PCDH15: variants seen among roughly 807,000 people sequenced by gnomAD.
PCDH15 encodes the protein protocadherin related 15, also known as protocadherin-15.
PCDH15 carries 129 observed loss-of-function variants against 178.5 expected under a neutral mutation model. The ratio of observed to expected loss-of-function variants is 0.72; its 90% confidence interval spans 0.63 to 0.84. PCDH15 has a LOEUF of 0.84. PCDH15 is among the 40% of genes least tolerant of loss of function. PCDH15 has a pLI of 0.00. For synonymous variants in PCDH15, 800 were observed against 732.0 expected, an observed-to-expected ratio of 1.09 and a Z score of -1.50; for missense variants, 2,230 against 2,099.9, an observed-to-expected ratio of 1.06 and a Z score of -1.21.
At chr10:54,107,674 T>C (rs1051997267) in intron 15 of PCDH15, among the ~76,000 whole-genome samples, 1 of 151,868 alleles carries the variant, frequency 6.6e-6, no homozygotes, top group Admixed American at 6.6e-5. Context: ...ACAGCAGCAG[T>C]GTAATTTGGG....
chr10:54,200,011 GA>G (rs1290534757), intron 10 of PCDH15, among the ~76,000 whole-genome samples: 2 of 151,990 alleles, frequency 1.3e-5, no homozygotes, highest in Admixed American at 1.3e-4. Flanking sequence ...CTTCAATATT[GA>G]AAAAAGGAAA....
rs573045571 is a variant in PCDH15 at position 55,422,188 on chromosome 10, T to C, written c.-156+205437A>G. On this transcript the variant is annotated intron_variant, in intron 2 of 5. Coordinates refer to the PCDH15 transcript ENST00000613346. ...TGTTTCTACAGATTTGCCTATTTTC[T>C]GGACGTTTTCAGATTATAGCCTATA... Among the ~76,000 whole-genome samples, 19 of 151,878 alleles carry C rather than the reference T, an allele frequency of 1.3e-4. 1 individual carries two copies. In the South Asian group the frequency reaches 3.5e-3, roughly 28 times the overall value.
chr10:54,782,493 AC>A (rs1247196317), intron 1 of PCDH15, among the ~76,000 whole-genome samples: 1 of 152,132 alleles, frequency 6.6e-6, no homozygotes, highest in Non-Finnish European at 1.5e-5. Context: ...AAAAGTACTA[AC>A]CTACCAAATC....
chr10:54,218,891 T>G lies in PCDH15; in HGVS notation c.986-4843A>C, dbSNP rs2052404122. Among the ~76,000 whole-genome samples the G allele has an allele frequency of 2.0e-5, 3 of 152,066 alleles. No individual in the cohort carries two copies. In the South Asian group the frequency reaches 6.2e-4, roughly 32 times the overall value. On this transcript the variant is annotated intron_variant, in intron 9 of 37. Transcript: ENST00000644397. ...GAGAAACTCTATAATATAAACAACT[T>G]GACTTCTCAATAAATGAATCACAAG...
At chr10:53,996,286 G>A (rs553103563) in intron 20 of PCDH15, among the ~76,000 whole-genome samples, 1 of 152,020 alleles carries the variant, frequency 6.6e-6, no homozygotes, top group Non-Finnish European at 1.5e-5. Context: ...GATTTTCTCT[G>A]CAGCGCACTA....
At chr10:53,890,567 G>A (rs978527429) in intron 26 of PCDH15, among the ~76,000 whole-genome samples, 5 of 152,234 alleles carry the variant, frequency 3.3e-5, no homozygotes, top group Admixed American at 3.3e-4. Context: ...GTTTCTAAGA[G>A]ACCATAAATG....
intron 1 of PCDH15, among the ~76,000 whole-genome samples, chr10:55,235,611 A>C (rs963163402): frequency 3.9e-5 from 6 of 152,056 alleles, no homozygotes; most frequent in Admixed American, 1.3e-4. Flanking sequence ...CATAAGGAAC[A>C]ATAAGAATCT....
intron 2 of PCDH15, among the ~76,000 whole-genome samples, chr10:54,547,349 T>C (rs1271316407): frequency 1.3e-5 from 2 of 152,176 alleles, no homozygotes; most frequent in Admixed American, 1.3e-4. Context: ...AAATGTCAAA[T>C]ATATCAGACA....
chr10:54,171,829 T>C (rs377130349), intron 13 of PCDH15, among the ~76,000 whole-genome samples: 2 of 151,956 alleles, frequency 1.3e-5, no homozygotes, highest in Non-Finnish European at 2.9e-5. Flanking sequence ...TCATTCTATA[T>C]GACAAATGTT....
chr10:54,938,683 A>C (rs1046562523), intron 2 of PCDH15, among the ~76,000 whole-genome samples: 1 of 152,192 alleles, frequency 6.6e-6, no homozygotes, highest in African/African-American at 2.4e-5. Context: ...TTGATATGTT[A>C]ATTTATATGG....
chr10:54,968,388 A>G (rs1198385781), intron 2 of PCDH15, among the ~76,000 whole-genome samples: 2 of 151,762 alleles, frequency 1.3e-5, no homozygotes. Context: ...TTGTCTTGGT[A>G]TTCACCTTCA....
At chr10:54,430,805 A>G (rs961835005) in intron 3 of PCDH15, among the ~76,000 whole-genome samples, 3 of 152,086 alleles carry the variant, frequency 2.0e-5, no homozygotes, top group African/African-American at 7.2e-5. Flanking sequence ...AAACAATACA[A>G]AAGAATAATG....
At chr10:54,314,990 A>T (rs2133585690) in intron 8 of PCDH15, among the ~76,000 whole-genome samples, 1 of 152,314 alleles carries the variant, frequency 6.6e-6, no homozygotes, top group Middle Eastern at 3.4e-3. Flanking sequence ...TAGTGCTGCC[A>T]TGAACATTCA....
intron 25 of PCDH15, among the ~76,000 whole-genome samples, chr10:53,914,949 C>T (rs1388997814): frequency 6.6e-6 from 1 of 151,970 alleles, no homozygotes; most frequent in Non-Finnish European, 1.5e-5. Context: ...TTTATGTTCC[C>T]CTGTTCCAGT....
chr10:54,911,696 G>T (rs1448458924), intron 2 of PCDH15, among the ~76,000 whole-genome samples: 1 of 152,048 alleles, frequency 6.6e-6, no homozygotes, highest in Non-Finnish European at 1.5e-5. Context: ...TCTTGGGGTC[G>T]GTTTCTTCCA....
chr10:54,189,714 CT>C (rs2133857549), intron 11 of PCDH15, among the ~76,000 whole-genome samples: 1 of 151,962 alleles, frequency 6.6e-6, no homozygotes, highest in East Asian at 1.9e-4. Flanking sequence ...GATTATTATT[CT>C]TTGTCATTTT....
intron 5 of PCDH15, among the ~76,000 whole-genome samples, chr10:54,353,399 T>G (rs1399341584): frequency 1.3e-5 from 2 of 152,182 alleles, no homozygotes; most frequent in Non-Finnish European, 2.9e-5. Flanking sequence ...ACAATTTATA[T>G]TAAACAAAAT....
intron 2 of PCDH15, among the ~76,000 whole-genome samples, chr10:54,586,798 G>A (rs61855860): frequency 0.027 from 4,080 of 152,152 alleles, 121 homozygotes; most frequent in Admixed American, 0.096. Context: ...CTGGACGGAT[G>A]TGCCATAGTT....
intron 2 of PCDH15, among the ~76,000 whole-genome samples, chr10:54,624,852 G>A (rs2093495661): frequency 6.6e-6 from 1 of 152,200 alleles, no homozygotes; most frequent in Admixed American, 6.5e-5. Flanking sequence ...ATCTGTCAAT[G>A]TTCCCATCAC....
Sources: gnomAD v4.1 joint callset for allele counts (sites outside exome capture counted in the v4.1 genomes callset) on GRCh38, gnomAD v4.1.1 for gene constraint, MANE v1.5 for transcripts, NCBI Gene and HGNC (gene_info 2026-07-23, HGNC 2026-07-21) for gene names.